The following NKAIN2 variants were observed in gnomAD, a reference collection of about 807,000 sequenced individuals.
The protein encoded by NKAIN2 is sodium/potassium transporting ATPase interacting 2.
NKAIN2 carries 14 observed loss-of-function variants against 32.6 expected under a neutral mutation model. The observed-to-expected ratio is 0.43, with a 90% confidence interval of 0.28 to 0.67. NKAIN2 has a LOEUF of 0.67. Among genes scored for constraint, NKAIN2 ranks in the 30% least tolerant of loss-of-function variants. The pLI, the probability that NKAIN2 is intolerant of heterozygous loss-of-function variation, is 0.17. For synonymous variants in NKAIN2, 80 were observed against 87.2 expected, an observed-to-expected ratio of 0.92 and a Z score of 0.46; for missense variants, 198 against 258.3, an observed-to-expected ratio of 0.77 and a Z score of 1.60.
chr6:123,867,169 A>G (rs1017929825), intron 1 of NKAIN2, among the ~76,000 whole-genome samples: 1 of 152,166 alleles, frequency 6.6e-6, no homozygotes, highest in African/African-American at 2.4e-5. Context: ...GACATTAGGT[A>G]TCTCTCATCT....
chr6:123,881,300 A>T (rs906412972), intron 1 of NKAIN2, among the ~76,000 whole-genome samples: 1 of 152,112 alleles, frequency 6.6e-6, no homozygotes, highest in African/African-American at 2.4e-5. Context: ...GGGATTACAA[A>T]CATGAGTCAC....
chr6:123,809,402 T>C (rs1167069551), intron 1 of NKAIN2, among the ~76,000 whole-genome samples: 2 of 152,074 alleles, frequency 1.3e-5, no homozygotes, highest in Non-Finnish European at 1.5e-5. Context: ...AGGATGGAAA[T>C]AAAATTATAT....
In NKAIN2 at chr6:124,484,658, T is replaced by G. The variant is rs564967999; in HGVS notation, c.273+129311T>G. On this transcript the variant is annotated intron_variant, in intron 3 of 6. Transcript: ENST00000368417. ...CCACCAAGGCAAGATATATGTGAGATAACTGAACACATGCATGCCCACATT... is the reference window on the plus strand; with the variant it reads ...CCACCAAGGCAAGATATATGTGAGAGAACTGAACACATGCATGCCCACATT... Among the ~76,000 whole-genome samples, 17 of 152,298 alleles carry G rather than the reference T, an allele frequency of 1.1e-4. No homozygotes were observed. The South Asian group carries it at 1.4e-3, about 13-fold the overall frequency.
chr6:124,295,318 A>G (rs1796001823), intron 2 of NKAIN2, among the ~76,000 whole-genome samples: 1 of 152,002 alleles, frequency 6.6e-6, no homozygotes, highest in Non-Finnish European at 1.5e-5. Flanking sequence ...TCTTACTATT[A>G]TCATTCTATT....
chr6:124,557,563 C>T (rs146010484), intron 3 of NKAIN2, among the ~76,000 whole-genome samples: 1 of 152,226 alleles, frequency 6.6e-6, no homozygotes, highest in African/African-American at 2.4e-5. Context: ...TCCCTATAGA[C>T]AATACAGAAC....
intron 2 of NKAIN2, among the ~76,000 whole-genome samples, chr6:124,283,482 T>G (rs1364962150): frequency 6.6e-6 from 1 of 152,258 alleles, no homozygotes; most frequent in Non-Finnish European, 1.5e-5. Flanking sequence ...TTTCTCATTT[T>G]AAATAATCAT....
Position 123,880,063 on chromosome 6 carries a change from C to T in NKAIN2, c.54+75809C>T, listed in dbSNP as rs917576922. 3.3e-5 allele frequency among the ~76,000 whole-genome samples: 5 copies of T among 152,116 alleles called. No homozygotes were observed. In the East Asian group the frequency reaches 5.8e-4, roughly 18 times the overall value. On this transcript the variant is annotated intron_variant, in intron 1 of 6. Coordinates refer to ENST00000368417, the MANE Select transcript of NKAIN2 (RefSeq NM_001040214.3). ...GTTCAAAGGTTTTTACTTACAGATC[C>T]TGGGCGAGAAGGGCACAATGATTTG... is the stretch of plus-strand genomic sequence containing the variant.
At chr6:124,741,765 ATG>A (rs1446561351) in intron 4 of NKAIN2, among the ~76,000 whole-genome samples, 17 of 151,950 alleles carry the variant, frequency 1.1e-4, no homozygotes, top group African/African-American at 3.9e-4. Flanking sequence ...TACTCCATTT[ATG>A]TGTCTTTTGG....
At chr6:123,948,333 A>G (rs1373784773) in intron 1 of NKAIN2, among the ~76,000 whole-genome samples, 2 of 152,060 alleles carry the variant, frequency 1.3e-5, no homozygotes, top group African/African-American at 4.8e-5. Context: ...TAGCTTTTTG[A>G]GAAATTTCCA....
At position 124,824,244 on chromosome 6, in the gene NKAIN2, A is replaced by G. The variant is rs1048428540; in HGVS notation, c.*1015A>G. 5 of 152,780 alleles carry G rather than the reference A, an allele frequency of 3.3e-5. No individual in the cohort carries two copies. Among genetic ancestry groups the G allele is most frequent in the African/African-American group, 1.2e-4 (5 of 41,590 alleles). 9.5% of individuals were successfully genotyped at this position (152,780 alleles called of 1,614,324 possible). A position where few individuals can be genotyped will look rare whatever the true frequency, so the allele number is the denominator to read the frequency against. On this transcript the variant is annotated 3_prime_UTR_variant, in exon 7 of 7. Transcript: ENST00000368417. Reference sequence around the variant, plus strand: ...GAAACAGCTGTGGATTTCTATCAACAGAGGCCAACTGAATATGTATTAGCT... The same window carrying G: ...GAAACAGCTGTGGATTTCTATCAACGGAGGCCAACTGAATATGTATTAGCT...
chr6:124,241,795 C>A (rs950011799), intron 1 of NKAIN2, among the ~76,000 whole-genome samples: 6 of 151,862 alleles, frequency 4.0e-5, no homozygotes, highest in Admixed American at 1.3e-4. Flanking sequence ...CTTGTAAAAT[C>A]TATTTAATAT....
chr6:124,185,553 A>G (rs1385462233), intron 1 of NKAIN2, among the ~76,000 whole-genome samples: 1 of 152,230 alleles, frequency 6.6e-6, no homozygotes, highest in Non-Finnish European at 1.5e-5. Flanking sequence ...TAACAAATCA[A>G]AATGTCTAAT....
chr6:123,911,635 A>G (rs989447810), intron 1 of NKAIN2, among the ~76,000 whole-genome samples: 2 of 152,058 alleles, frequency 1.3e-5, no homozygotes, highest in South Asian at 2.1e-4. Flanking sequence ...TATCCATGCC[A>G]TGCCATTATT....
At chr6:124,497,110 G>A (rs1027351827) in intron 3 of NKAIN2, among the ~76,000 whole-genome samples, 4 of 152,114 alleles carry the variant, frequency 2.6e-5, no homozygotes, top group Admixed American at 1.3e-4. Flanking sequence ...AAGGCAACAA[G>A]TTACTTGCTT....
At chr6:123,832,911 A>G (rs1221405182) in intron 1 of NKAIN2, among the ~76,000 whole-genome samples, 1 of 152,184 alleles carries the variant, frequency 6.6e-6, no homozygotes, top group Admixed American at 6.5e-5. Context: ...ATTGTTGCCC[A>G]GTCTTTGGCT....
intron 3 of NKAIN2, among the ~76,000 whole-genome samples, chr6:124,627,467 C>T (rs1157199172): frequency 2.0e-5 from 3 of 152,094 alleles, no homozygotes; most frequent in Non-Finnish European, 4.4e-5. Context: ...TTCAAGCCTG[C>T]TCCTGTTGTG....
chr6:123,983,356 A>T (rs1297831793), intron 1 of NKAIN2, among the ~76,000 whole-genome samples: 1 of 152,120 alleles, frequency 6.6e-6, no homozygotes, highest in East Asian at 1.9e-4. Flanking sequence ...CTTGGGTCAG[A>T]TGTGTTAGAT....
intron 4 of NKAIN2, among the ~76,000 whole-genome samples, chr6:124,670,197 A>C (rs1773029947): frequency 6.6e-6 from 1 of 152,110 alleles, no homozygotes; most frequent in Non-Finnish European, 1.5e-5. Flanking sequence ...TGTTTCTAGA[A>C]AATCACTGTT....
chr6:124,719,533 CT>C (rs1283267525), intron 4 of NKAIN2, among the ~76,000 whole-genome samples: 1 of 152,162 alleles, frequency 6.6e-6, no homozygotes, highest in Non-Finnish European at 1.5e-5. Flanking sequence ...TATTTATGAT[CT>C]GCTTTGCTAG....
Sources: gnomAD v4.1 joint callset for allele counts (sites outside exome capture counted in the v4.1 genomes callset) on GRCh38, gnomAD v4.1.1 for gene constraint, MANE v1.5 for transcripts, NCBI Gene and HGNC (gene_info 2026-07-23, HGNC 2026-07-21) for gene names.